ALDH1L1: variants seen among roughly 807,000 people sequenced by gnomAD.
ALDH1L1 encodes the protein aldehyde dehydrogenase 1 family member L1.
A neutral mutation model predicts 101.1 loss-of-function variants in ALDH1L1; 68 were observed. That is an observed-to-expected ratio of 0.67 (90% CI 0.55 to 0.82). The LOEUF (loss-of-function observed/expected upper bound fraction) is 0.82. Among genes scored for constraint, ALDH1L1 ranks in the 40% least tolerant of loss-of-function variants. The probability of loss-of-function intolerance (pLI) is 0.00; values close to 1 mark genes in which losing one functional copy is unlikely to be tolerated. For synonymous variants in ALDH1L1, 486 were observed against 470.8 expected, an observed-to-expected ratio of 1.03 and a Z score of -0.42; for missense variants, 1,087 against 1,172.7, an observed-to-expected ratio of 0.93 and a Z score of 1.07.
At chr3:126,128,929 C>T (rs2080241499) in intron 14 of ALDH1L1, 1 of 117,742 alleles carries the variant, frequency 8.5e-6, no homozygotes, top group African/African-American at 3.3e-5. Context: ...CACGACCCGC[C>T]CTGCCCTGCC....
chr3:126,194,127 T>G (rs373545051), intron 1 of ALDH1L1, among the ~76,000 whole-genome samples: 21 of 152,336 alleles, frequency 1.4e-4, no homozygotes, highest in African/African-American at 4.3e-4. Context: ...ACAATATAAA[T>G]AGTAATTTGG....
chr3:126,185,323 A>T (rs1393447809), upstream of ALDH1L1, among the ~76,000 whole-genome samples: 1 of 152,216 alleles, frequency 6.6e-6, no homozygotes, highest in Non-Finnish European at 1.5e-5. Context: ...CTCACTGTAA[A>T]GGAATAAATG....
At position 126,157,089 on chromosome 3, in the gene ALDH1L1, G is replaced by A. The variant is rs1429700503; in HGVS notation, c.528+254C>T. Among the ~76,000 whole-genome samples the A allele has an allele frequency of 2.6e-5, 4 of 152,216 alleles. No individual in the cohort carries two copies. In the East Asian group the frequency reaches 5.8e-4, roughly 22 times the overall value. On this transcript the variant is annotated intron_variant, in intron 4 of 22. Coordinates refer to ENST00000393434, the MANE Select transcript of ALDH1L1 (RefSeq NM_012190.4). ...TTAGCCTTCCTTGTCTATTGAACGG[G>A]CCCCAAAATGTCCCCTTTTTGCCAA...
At chr3:126,126,368 C>A (rs940746704) in intron 14 of ALDH1L1, among the ~76,000 whole-genome samples, 1 of 152,178 alleles carries the variant, frequency 6.6e-6, no homozygotes, top group Admixed American at 6.5e-5. Flanking sequence ...TGCCTTCCCC[C>A]CATACAGCAC....
intron 6 of ALDH1L1, among the ~76,000 whole-genome samples, chr3:126,154,106 C>T (rs914477097): frequency 1.3e-5 from 2 of 152,294 alleles, no homozygotes; most frequent in African/African-American, 4.8e-5. Flanking sequence ...CCACCACACA[C>T]AGTCCCGCCA....
chr3:126,145,825 G>GT (rs2080663483), intron 9 of ALDH1L1, among the ~76,000 whole-genome samples: 2 of 152,104 alleles, frequency 1.3e-5, no homozygotes, highest in African/African-American at 4.8e-5. Flanking sequence ...TGTATTATGT[G>GT]TTTTTTTGCC....
intron 17 of ALDH1L1, chr3:126,115,503 T>TA (rs892367962): frequency 6.5e-6 from 1 of 153,832 alleles, no homozygotes; most frequent in African/African-American, 2.5e-5. Flanking sequence ...TTTTTTTTTT[T>TA]AATAAATTTT....
At chr3:126,168,833 A>T (rs1349177056) in intron 1 of ALDH1L1, among the ~76,000 whole-genome samples, 1 of 152,206 alleles carries the variant, frequency 6.6e-6, no homozygotes, top group Non-Finnish European at 1.5e-5. Context: ...CTTATGTCTA[A>T]ATATGTGCTA....
chr3:126,144,209 CAGA>C (rs2080626027), intron 9 of ALDH1L1, among the ~76,000 whole-genome samples: 1 of 152,004 alleles, frequency 6.6e-6, no homozygotes, highest in East Asian at 1.9e-4. Context: ...AAAAAAATTA[CAGA>C]AGATCTAAAT....
At chr3:126,143,574 C>T (rs776797114) in intron 9 of ALDH1L1, among the ~76,000 whole-genome samples, 1 of 152,140 alleles carries the variant, frequency 6.6e-6, no homozygotes, top group Non-Finnish European at 1.5e-5. Context: ...CCATCCAAGG[C>T]AATTAGGCAA....
At chr3:126,193,746 A>G (rs1178161193) in intron 1 of ALDH1L1, among the ~76,000 whole-genome samples, 1 of 152,252 alleles carries the variant, frequency 6.6e-6, no homozygotes, top group Non-Finnish European at 1.5e-5. Flanking sequence ...CATAATAGGC[A>G]ATTTGAAGTA....
chr3:126,125,765 G>T, intron 14 of ALDH1L1, 44 bp from the exon 15 acceptor site: 2 of 1,372,938 alleles, frequency 1.5e-6, no homozygotes, highest in Non-Finnish European at 2.0e-6. Context: ...TTCTCCACCA[G>T]GCCCACAGTG....
At chr3:126,129,714 G>A (rs1425654847) in intron 14 of ALDH1L1, 1 of 152,348 alleles carries the variant, frequency 6.6e-6, no homozygotes, top group Non-Finnish European at 1.5e-5. Flanking sequence ...CTCTAGCAGG[G>A]AAAACCCAGA....
chr3:126,106,013 G>T, intron 21 of ALDH1L1, 88 bp from the exon 22 acceptor site: 1 of 1,330,614 alleles, frequency 7.5e-7, no homozygotes, highest in Non-Finnish European at 1.0e-6. Context: ...CCACACCCCA[G>T]CTGCATAAGA....
At chr3:126,196,779 T>TA (rs2081584030) in intron 1 of ALDH1L1, among the ~76,000 whole-genome samples, 1 of 152,110 alleles carries the variant, frequency 6.6e-6, no homozygotes, top group Non-Finnish European at 1.5e-5. Flanking sequence ...CAGGAAGTGG[T>TA]AAAAGTCACA....
rs1414130216 is a variant in ALDH1L1 at position 126,158,580 on chromosome 3, C to G, written c.187G>C (p.Gly63Arg). The G allele has an allele frequency of 1.2e-6, 2 of 1,614,202 alleles. No individual in the cohort carries two copies. Among genetic ancestry groups the G allele is most frequent in the African/African-American group, 1.3e-5 (1 of 75,066 alleles). ...GCCACCACATCAGGCAAAGCCTGTC[C>G]TTTTGCACGCCACCGGGAGTACTTG... ...VFKYSRWRAK[G>R]QALPDVVAKY... Residue 63 changes from glycine (G) to arginine (R), a missense_variant, in exon 3 of 23, where the codon GGA becomes CGA. This residue lies in a region of ALDH1L1 where 645 missense variants were observed against 637.0 expected (regional missense o/e 1.01). Transcript: ENST00000393434.
chr3:126,176,272 A>G (rs1258636332), intron 1 of ALDH1L1, among the ~76,000 whole-genome samples: 2 of 152,172 alleles, frequency 1.3e-5, no homozygotes, highest in Non-Finnish European at 2.9e-5. Flanking sequence ...CTTTATCTAT[A>G]GATTCAATGC....
rs748493005 is a variant in ALDH1L1 at position 126,112,849 on chromosome 3, T to C, written c.2114A>G (p.Glu705Gly). 6.2e-7 allele frequency: 1 copy of C among 1,613,600 alleles called. No individual in the cohort carries two copies. Among genetic ancestry groups the C allele is most frequent in the East Asian group, 2.2e-5 (1 of 44,876 alleles). ...GMSSVFFNKG[E>G]NCIAAGRLFV... is the part of the protein sequence containing the mutation. ...GAGTCGGCCTGCTGCAATGCAATTC[T>C]CTCCTTTGTTGAAGAAAACAGAACT... The change falls in exon 19 of 23, where the codon GAG (glutamate) becomes GGG (glycine). Residue 705 changes from glutamate to glycine, a missense_variant. Coordinates refer to ENST00000393434, the MANE Select transcript of ALDH1L1 (RefSeq NM_012190.4).
upstream of ALDH1L1, among the ~76,000 whole-genome samples, chr3:126,182,811 C>A (rs6773393): frequency 6.6e-6 from 1 of 151,972 alleles, no homozygotes; most frequent in African/African-American, 2.4e-5. Context: ...GAAAGTGTTC[C>A]GAAATCATGT....
Sources: allele counts gnomAD v4.1 joint callset (sites outside exome capture counted in the v4.1 genomes callset), GRCh38; gene constraint gnomAD v4.1.1; regional missense constraint gnomAD v4.1.1; transcripts MANE v1.5; gene names NCBI Gene and HGNC (gene_info 2026-07-23, HGNC 2026-07-21).